Variants in PDS5A observed in about 807,000 individuals in gnomAD.
PDS5A encodes PDS5 cohesin associated factor A.
A neutral mutation model predicts 167.1 loss-of-function variants in PDS5A; 42 were observed. The ratio of observed to expected loss-of-function variants is 0.25; its 90% CI spans 0.20 to 0.33. PDS5A has a LOEUF of 0.33. Ranked by LOEUF, PDS5A falls within the 10% of genes least tolerant of loss-of-function variation. The pLI, the probability that PDS5A is intolerant of heterozygous loss-of-function variation, is 1.00. For missense variants in PDS5A, 1,033 were observed against 1,605.9 expected (o/e 0.64, Z 6.10); for synonymous variants, 553 against 554.6 (o/e 1.00, Z 0.04).
rs770078609 is a variant in PDS5A at position 39,939,251 on chromosome 4, CAA to C, written c.139-11089_139-11088del. Among the ~76,000 whole-genome samples, 8 of 152,138 alleles carry C rather than the reference CAA, an allele frequency of 5.3e-5. No individual in the cohort carries two copies. The East Asian group carries it at 1.2e-3, about 22-fold the overall frequency. ...GCGAGGCAGGAAAATCGCTTGAGCCCAAGTGTTGGAGACCAACCTGGGCAACA... is the reference window on the plus strand; with the variant it reads ...GCGAGGCAGGAAAATCGCTTGAGCCCGTGTTGGAGACCAACCTGGGCAACA... On this transcript the variant is annotated intron_variant, in intron 2 of 32. Coordinates refer to ENST00000303538, the MANE Select transcript of PDS5A (RefSeq NM_001100399.2).
Position 39,929,518 on chromosome 4 carries a change from A to ACTCTCTCTCT in PDS5A, c.139-1355_139-1354insAGAGAGAGAG, listed in dbSNP as rs1478539709. On this transcript the variant is annotated intron_variant, in intron 2 of 32. Coordinates refer to ENST00000303538, the MANE Select transcript of PDS5A (RefSeq NM_001100399.2). The stretch of plus-strand genomic sequence containing the variant: ...GGCCTTGTGAGTTAATACTTAATAA[A>ACTCTCTCTCT]CTATATATATATATATATATATATA... 2.5e-3 allele frequency among the ~76,000 whole-genome samples: 56 copies of ACTCTCTCTCT among 22,768 alleles called. 1 individual carries two copies. The highest frequency in any genetic ancestry group is 0.012 in the African/African-American group (50 of 4,104). The allele number at this position is 22,768 out of a possible 152,430, so 14.9% of individuals were successfully genotyped here.
intron 2 of PDS5A, among the ~76,000 whole-genome samples, chr4:39,941,881 T>C (rs1727255735): frequency 6.6e-6 from 1 of 152,184 alleles, no homozygotes; most frequent in Non-Finnish European, 1.5e-5. Flanking sequence ...GAACTATGAC[T>C]GCACAACTGC....
chr4:39,833,570 TGTA>T (rs1716123593), intron 32 of PDS5A, among the ~76,000 whole-genome samples: 1 of 152,080 alleles, frequency 6.6e-6, no homozygotes, highest in Non-Finnish European at 1.5e-5. Flanking sequence ...CTATTTTTTT[TGTA>T]GATATGGGGT....
At position 39,925,930 on chromosome 4, in the gene PDS5A, A is replaced by C. The variant is rs1725413293; in HGVS notation, c.433T>G (p.Leu145Val). ...FNRYFYLLEN[L>V]AWVKSYNICF... The stretch of plus-strand genomic sequence containing the variant: ...ATGTTATATGATTTAACCCAAGCTA[A>C]ATTCTTAAATAAATAAAAATAATTA... The change falls in exon 5 of 33, where the codon TTA becomes GTA. Residue 145 changes from leucine to valine, a missense_variant. This residue lies in a region of PDS5A where 388 missense variants were observed against 615.1 expected (regional missense o/e 0.63). Transcript: ENST00000303538. 2 of 1,191,208 alleles carry C rather than the reference A, an allele frequency of 1.7e-6. No individual in the cohort carries two copies. The highest frequency in any genetic ancestry group is 2.3e-6 in the Non-Finnish European group (2 of 861,448). The allele number at this position is 1,191,208 out of a possible 1,614,324, so 73.8% of individuals were successfully genotyped here.
At chr4:39,927,404 A>G (rs1169092238) in intron 3 of PDS5A, among the ~76,000 whole-genome samples, 1 of 152,212 alleles carries the variant, frequency 6.6e-6, no homozygotes. Context: ...AGTAGTATCA[A>G]TATAATACAA....
At chr4:39,972,161 C>T (rs1044573886) in intron 2 of PDS5A, among the ~76,000 whole-genome samples, 1 of 152,082 alleles carries the variant, frequency 6.6e-6, no homozygotes, top group African/African-American at 2.4e-5. Flanking sequence ...TTCTGATAAT[C>T]GATTTTCAAA....
In PDS5A at chr4:39,842,909, T is replaced by TTATATATATATATATATATATATATATA. The variant is rs71194933; in HGVS notation, c.3549-881_3549-854dup. On this transcript the variant is annotated intron_variant, in intron 30 of 32. Coordinates refer to ENST00000303538, the MANE Select transcript of PDS5A (RefSeq NM_001100399.2). ...AGAACAATGTAAACTTATCCTATTTTTATATATATATATATATATATATAT... is the reference window on the plus strand; with the variant it reads ...AGAACAATGTAAACTTATCCTATTTTTATATATATATATATATATATATATATATATATATATATATATATATATATAT... Among the ~76,000 whole-genome samples, 368 of 92,146 alleles carry TTATATATATATATATATATATATATATA rather than the reference T, an allele frequency of 4.0e-3. 13 individuals are homozygous for TTATATATATATATATATATATATATATA. The highest frequency in any genetic ancestry group is 6.7e-3 in the African/African-American group (122 of 18,170). The allele number at this position is 92,146 out of a possible 152,430, so 60.5% of individuals were successfully genotyped here.
chr4:39,899,099 T>C (rs7654036), intron 14 of PDS5A, among the ~76,000 whole-genome samples: 29,757 of 152,094 alleles, frequency 0.2, 3,429 homozygotes, highest in Middle Eastern at 0.28. Flanking sequence ...ACAGGAAAGT[T>C]ACATTGCCAG....
At chr4:39,854,122 C>T (rs1000763938) in intron 26 of PDS5A, among the ~76,000 whole-genome samples, 27 of 151,960 alleles carry the variant, frequency 1.8e-4, no homozygotes, top group African/African-American at 6.3e-4. Context: ...GCCAACATGG[C>T]GAAACTCCAT....
intron 2 of PDS5A, among the ~76,000 whole-genome samples, chr4:39,954,254 G>C (rs1325666214): frequency 6.6e-6 from 1 of 152,036 alleles, no homozygotes; most frequent in Non-Finnish European, 1.5e-5. Context: ...CAGTTACTTA[G>C]GAGGCTGAGG....
intron 5 of PDS5A, among the ~76,000 whole-genome samples, chr4:39,924,743 A>C (rs887897244): frequency 6.6e-6 from 1 of 152,206 alleles, no homozygotes. Flanking sequence ...CTACTAGAAA[A>C]CTTATGTGAG....
chr4:39,921,421 G>A (rs1724951795), intron 6 of PDS5A, among the ~76,000 whole-genome samples: 1 of 151,920 alleles, frequency 6.6e-6, no homozygotes, highest in Non-Finnish European at 1.5e-5. Context: ...CTTAAAAGAA[G>A]TCTATTTCCT....
chr4:39,886,890 T>C (rs1721525112), intron 17 of PDS5A, among the ~76,000 whole-genome samples: 1 of 152,096 alleles, frequency 6.6e-6, no homozygotes, highest in East Asian at 1.9e-4. Flanking sequence ...GTAGCTATTA[T>C]AAATAAGATT....
chr4:39,942,351 T>C (rs947117558), intron 2 of PDS5A, among the ~76,000 whole-genome samples: 1 of 152,202 alleles, frequency 6.6e-6, no homozygotes, highest in Non-Finnish European at 1.5e-5. Flanking sequence ...TTTTTAAATA[T>C]GTGAATATGT....
intron 19 of PDS5A, 141 bp downstream of exon 19, chr4:39,876,852 G>A (rs1720499982): frequency 1.8e-6 from 1 of 553,976 alleles, no homozygotes; most frequent in Non-Finnish European, 3.1e-6. Flanking sequence ...AGACAAAGCA[G>A]AGGAGGACAC....
intron 12 of PDS5A, among the ~76,000 whole-genome samples, chr4:39,903,416 T>C (rs1483170567): frequency 1.3e-5 from 2 of 152,206 alleles, no homozygotes; most frequent in African/African-American, 4.8e-5. Context: ...GAAATACATA[T>C]CCAGTGATGC....
At chr4:39,827,387 G>C (rs1715421606) in intron 32 of PDS5A, among the ~76,000 whole-genome samples, 1 of 152,114 alleles carries the variant, frequency 6.6e-6, no homozygotes, top group East Asian at 1.9e-4. Flanking sequence ...TGCTCTCACA[G>C]ACTTCTGAAA....
chr4:39,895,827 C>T (rs1232673215), intron 16 of PDS5A, among the ~76,000 whole-genome samples: 1 of 152,036 alleles, frequency 6.6e-6, no homozygotes, highest in Non-Finnish European at 1.5e-5. Flanking sequence ...ACACCATTCT[C>T]CTGCCTCAGC....
At position 39,925,876 on chromosome 4, in the gene PDS5A, T is replaced by C; in HGVS notation, c.487A>G (p.Ile163Val). The change falls in exon 5 of 33, where the codon ATT (isoleucine) becomes GTT (valine). Residue 163 changes from isoleucine to valine, a missense_variant. Physicochemically the swap from Ile to Val is conservative, Grantham distance 29. Transcript: ENST00000303538. ...ICFELEDCNE[I>V]FIQLFRTLFS... is the part of the protein sequence containing the mutation. ...AGAGTTCTAAAAAGCTGAATAAAAA[T>C]TTCATTGCAATCTTCCAATTCAAAG... is the stretch of plus-strand genomic sequence containing the variant. 1.3e-6 allele frequency: 2 copies of C among 1,517,050 alleles called. No homozygotes were observed. The highest frequency in any genetic ancestry group is 1.8e-6 in the Non-Finnish European group (2 of 1,108,762). The allele number at this position is 1,517,050 out of a possible 1,614,324, so 94.0% of individuals were successfully genotyped here.
Sources: allele counts gnomAD v4.1 joint callset (sites outside exome capture counted in the v4.1 genomes callset), GRCh38; gene constraint gnomAD v4.1.1; regional missense constraint gnomAD v4.1.1; transcripts MANE v1.5; gene names NCBI Gene and HGNC (gene_info 2026-07-23, HGNC 2026-07-21).